The following SPATA17 variants were observed in gnomAD, a reference collection of about 807,000 sequenced individuals.
The protein encoded by SPATA17 is spermatogenesis associated 17.
In SPATA17, 53 loss-of-function variants were observed where a neutral mutation model predicts 62.2. That is an observed-to-expected ratio of 0.85 (90% confidence interval 0.68 to 1.07). SPATA17 has a LOEUF of 1.07. Ranked by LOEUF, SPATA17 falls within the 50% of genes least tolerant of loss-of-function variation. SPATA17 has a pLI of 0.00. For missense variants in SPATA17, 466 were observed against 425.5 expected, an observed-to-expected ratio of 1.10 and a Z score of -0.84; for synonymous variants, 146 against 146.8, an observed-to-expected ratio of 0.99 and a Z score of 0.04.
intron 9 of SPATA17, among the ~76,000 whole-genome samples, chr1:217,818,391 A>C (rs987890384): frequency 7.9e-5 from 12 of 152,096 alleles, no homozygotes; most frequent in Non-Finnish European, 1.6e-4. Context: ...TGTGAACATC[A>C]TAAAGTGTAC....
chr1:217,737,383 T>C (rs957513028), intron 5 of SPATA17, among the ~76,000 whole-genome samples: 5 of 152,164 alleles, frequency 3.3e-5, no homozygotes, highest in African/African-American at 4.8e-5. Flanking sequence ...GGGTCATAGA[T>C]GGAAGTGTCA....
At chr1:217,796,044 C>T (rs1674145672) in intron 8 of SPATA17, among the ~76,000 whole-genome samples, 1 of 152,084 alleles carries the variant, frequency 6.6e-6, no homozygotes, top group African/African-American at 2.4e-5. Flanking sequence ...GTGATCCACA[C>T]ACCTTGGCCT....
rs559758247 is a variant in SPATA17, at chr1:217,763,610, T to C, written c.520-10724T>C. On this transcript the variant is annotated intron_variant, in intron 6 of 10. Coordinates refer to ENST00000366933, the MANE Select transcript of SPATA17 (RefSeq NM_138796.4). ...CTTTTTATTAAGGAACTAAAATACT[T>C]GTTTTATTTTTATTACTTGGACTTC... Among the ~76,000 whole-genome samples, 4 of 152,290 alleles carry C rather than the reference T, an allele frequency of 2.6e-5. No homozygotes were observed. The East Asian group carries it at 5.8e-4, about 22-fold the overall frequency.
chr1:217,729,361 A>T (rs1199135401), intron 5 of SPATA17, among the ~76,000 whole-genome samples: 1 of 152,222 alleles, frequency 6.6e-6, no homozygotes, highest in Non-Finnish European at 1.5e-5. Flanking sequence ...TGTGTAAATA[A>T]GGAGAGTAAA....
chr1:217,791,131 G>T (rs1048242877), intron 8 of SPATA17, among the ~76,000 whole-genome samples: 2 of 152,104 alleles, frequency 1.3e-5, no homozygotes, highest in African/African-American at 4.8e-5. Context: ...AATCAGCAGA[G>T]CCTTTTTAAG....
intron 4 of SPATA17, among the ~76,000 whole-genome samples, chr1:217,669,553 A>G (rs1454052417): frequency 6.6e-6 from 1 of 152,198 alleles, no homozygotes; most frequent in East Asian, 1.9e-4. Flanking sequence ...TTATTTTCCT[A>G]ATAGAAAACT....
rs188768944 is a variant in SPATA17, at chr1:217,679,724, A to G, written c.292-3534A>G. On this transcript the variant is annotated intron_variant, in intron 4 of 10. Transcript: ENST00000366933. ...GGACATTAGAATGTTTTCTGAAAGCATACCAGTTGTAGTCTCTCTAGATAT... is the reference window on the plus strand; with the variant it reads ...GGACATTAGAATGTTTTCTGAAAGCGTACCAGTTGTAGTCTCTCTAGATAT... Among the ~76,000 whole-genome samples the G allele has an allele frequency of 7.0e-4, 107 of 152,316 alleles. 1 individual carries two copies. The highest frequency in any genetic ancestry group is 1.6e-4 in the Non-Finnish European group (11 of 68,020).
intron 5 of SPATA17, among the ~76,000 whole-genome samples, chr1:217,706,892 A>C (rs530837420): frequency 2.8e-5 from 4 of 144,310 alleles, no homozygotes; most frequent in African/African-American, 1.0e-4. Flanking sequence ...TTTGAGATGG[A>C]GTCTTGCTCT....
chr1:217,801,806 G>A lies in SPATA17; in HGVS notation c.961G>A (p.Glu321Lys), dbSNP rs768969404. Residue 321 changes from glutamate to lysine, a missense_variant, in exon 9 of 11, where the codon GAA becomes AAA. By Grantham distance (56) the Glu-to-Lys change is moderately conservative. Transcript: ENST00000366933. Reference protein sequence around the residue: ...SSKYGPISYKEQFRSENPKKW... With the variant: ...SSKYGPISYKKQFRSENPKKW... ...CAAGTATGGTCCTATTTCTTACAAA[G>A]AACAATTCCGAAGTGAAAATCCTAA... is the stretch of plus-strand genomic sequence containing the variant. The A allele has an allele frequency of 3.7e-6, 6 of 1,610,668 alleles. No homozygotes were observed. The highest frequency in any genetic ancestry group is 4.2e-6 in the Non-Finnish European group (5 of 1,178,902).
chr1:217,723,047 A>T (rs987761279), intron 5 of SPATA17, among the ~76,000 whole-genome samples: 2 of 152,296 alleles, frequency 1.3e-5, no homozygotes, highest in East Asian at 3.9e-4. Flanking sequence ...AATCTTCCAC[A>T]TATAGACCCA....
chr1:217,686,859 C>T (rs1387562570), intron 5 of SPATA17, among the ~76,000 whole-genome samples: 1 of 152,156 alleles, frequency 6.6e-6, no homozygotes, highest in African/African-American at 2.4e-5. Context: ...GCTGGAATTA[C>T]AGGTGCCTGC....
At chr1:217,849,583 G>T (rs896541999) in intron 9 of SPATA17, among the ~76,000 whole-genome samples, 1 of 152,098 alleles carries the variant, frequency 6.6e-6, no homozygotes, top group Non-Finnish European at 1.5e-5. Flanking sequence ...GCAAGTATCT[G>T]GGAATTGGTA....
intron 6 of SPATA17, among the ~76,000 whole-genome samples, chr1:217,742,949 A>AATATATATATAT (rs10559433): frequency 1.4e-4 from 21 of 146,150 alleles, no homozygotes; most frequent in African/African-American, 5.0e-4. Context: ...TCCAAATTAA[A>AATATATATATAT]ATATATATAT....
intron 1 of SPATA17, among the ~76,000 whole-genome samples, chr1:217,635,032 A>G (rs1397024123): frequency 6.6e-6 from 1 of 152,172 alleles, no homozygotes; most frequent in Non-Finnish European, 1.5e-5. Context: ...ACTACACTGT[A>G]CTTTGTGGAG....
intron 8 of SPATA17, among the ~76,000 whole-genome samples, chr1:217,800,310 A>G (rs905617440): frequency 1.3e-5 from 2 of 152,074 alleles, no homozygotes; most frequent in African/African-American, 4.8e-5. Context: ...TTCTCTGAGA[A>G]CTGTCATGTC....
chr1:217,837,320 T>C (rs917691660), intron 9 of SPATA17, among the ~76,000 whole-genome samples: 3 of 152,132 alleles, frequency 2.0e-5, no homozygotes, highest in African/African-American at 7.2e-5. Context: ...ACAAGTCATA[T>C]TTAAAATATT....
Position 217,780,455 on chromosome 1 carries a change from C to T in SPATA17, c.724-1719C>T, listed in dbSNP as rs560222011. The stretch of plus-strand genomic sequence containing the variant: ...AGACTGAGTTTACTTTCATTCTAAT[C>T]CTAAGCAGGGCTTCTTCTCTTTCAT... On this transcript the variant is annotated intron_variant, in intron 7 of 10. Coordinates refer to ENST00000366933, the MANE Select transcript of SPATA17 (RefSeq NM_138796.4). 1.1e-4 allele frequency among the ~76,000 whole-genome samples: 17 copies of T among 152,256 alleles called. No individual in the cohort carries two copies. The South Asian group carries it at 3.5e-3, about 32-fold the overall frequency.
chr1:217,645,981 ATTG>A (rs1670172704), intron 1 of SPATA17, among the ~76,000 whole-genome samples: 1 of 151,968 alleles, frequency 6.6e-6, no homozygotes, highest in Non-Finnish European at 1.5e-5. Context: ...TTTTTAAATA[ATTG>A]TTGTTATTTA....
chr1:217,675,387 C>A (rs184652695), intron 4 of SPATA17, among the ~76,000 whole-genome samples: 242 of 152,282 alleles, frequency 1.6e-3, no homozygotes, highest in African/African-American at 5.2e-3. Flanking sequence ...CTGTCCACTT[C>A]AACTTTGTTT....
Sources: allele counts gnomAD v4.1 joint callset (sites outside exome capture counted in the v4.1 genomes callset), GRCh38; gene constraint gnomAD v4.1.1; transcripts MANE v1.5; gene names NCBI Gene and HGNC (gene_info 2026-07-23, HGNC 2026-07-21).